Variants in MYO1A observed in about 807,000 individuals in gnomAD.
The protein encoded by MYO1A is unconventional myosin-Ia.
MYO1A carries 127 observed loss-of-function variants against 138.5 expected under a neutral mutation model. The observed-to-expected ratio is 0.92, with a 90% confidence interval of 0.79 to 1.06. MYO1A has a LOEUF of 1.06. Ranked by LOEUF, MYO1A falls within the 50% of genes least tolerant of loss-of-function variation. The pLI, the probability that MYO1A is intolerant of heterozygous loss-of-function variation, is 0.00. For synonymous variants in MYO1A, 477 were observed against 497.5 expected (o/e 0.96, Z 0.55); for missense variants, 1,211 against 1,288.8 (o/e 0.94, Z 0.92).
At chr12:57,040,327 G>A (rs1425462130) in intron 14 of MYO1A, among the ~76,000 whole-genome samples, 2 of 152,146 alleles carry the variant, frequency 1.3e-5, no homozygotes, top group Admixed American at 1.3e-4. Context: ...ACTGCCATTT[G>A]TATAGATTTT....
chr12:57,037,477 C>A, intron 19 of MYO1A, 71 bp downstream of exon 19: 3 of 1,336,624 alleles, frequency 2.2e-6, no homozygotes, highest in Admixed American at 1.7e-5. Flanking sequence ...GCTCCCTCCC[C>A]CTCCAGCCTT....
intron 14 of MYO1A, among the ~76,000 whole-genome samples, chr12:57,039,667 G>GTGAGAGTTTATCATCAAA (rs2030769357): frequency 6.6e-6 from 1 of 152,204 alleles, no homozygotes; most frequent in African/African-American, 2.4e-5. Context: ...ACCACAGCAC[G>GTGAGAGTTTATCATCAAA]TGAGAGTTTA....
In MYO1A at chr12:57,039,231, A is replaced by C; in HGVS notation, c.1313T>G (p.Ile438Ser). 6.2e-7 allele frequency: 1 copy of C among 1,614,126 alleles called. No homozygotes were observed. The highest frequency in any genetic ancestry group is 8.5e-7 in the Non-Finnish European group (1 of 1,179,976). ...ACTCACATGCTCAATGAGCTTACAA[A>C]TGATGCCATTATCAAAGTAGTCCAC... The part of the protein sequence containing the change: ...TKVDYFDNGI[I>S]CKLIEHNQRG... Residue 438 changes from isoleucine (I) to serine (S), a missense_variant, in exon 15 of 28, where the codon ATT becomes AGT. Ile to Ser is a moderately radical substitution (Grantham distance 142). Transcript: ENST00000300119.
intron 27 of MYO1A, 42 bp downstream of exon 27, chr12:57,029,090 A>G: frequency 3.7e-6 from 6 of 1,614,026 alleles, no homozygotes; most frequent in Non-Finnish European, 4.2e-6. Flanking sequence ...CAGCCTGGCC[A>G]TCTACCGTAA....
At chr12:57,029,073 T>C in intron 27 of MYO1A, 59 bp downstream of exon 27, 2 of 1,613,758 alleles carry the variant, frequency 1.2e-6, no homozygotes, top group Non-Finnish European at 1.7e-6. Flanking sequence ...CTGGTCACGA[T>C]GACCATCAGC....
intron 3 of MYO1A, 90 bp from the exon 4 acceptor site, chr12:57,047,811 C>G (rs2031178212): frequency 6.3e-7 from 1 of 1,576,762 alleles, no homozygotes; most frequent in Non-Finnish European, 8.6e-7. Context: ...TTCATCCACT[C>G]TCTCTACTTG....
intron 22 of MYO1A, 135 bp from the exon 23 acceptor site, chr12:57,031,309 T>A (rs2030275591): frequency 9.2e-7 from 1 of 1,089,704 alleles, no homozygotes; most frequent in Admixed American, 1.9e-5. Context: ...GCTGAAGAGA[T>A]GGAAGGGAGT....
intron 6 of MYO1A, 38 bp downstream of exon 6, chr12:57,047,023 C>G (rs2031130141): frequency 6.2e-7 from 1 of 1,613,610 alleles, no homozygotes; most frequent in Non-Finnish European, 8.5e-7. Flanking sequence ...CTTAAGCCCC[C>G]ACATCCTCTC....
chr12:57,038,691 T>C, intron 16 of MYO1A, 53 bp from the exon 17 acceptor site: 1 of 1,609,404 alleles, frequency 6.2e-7, no homozygotes, highest in African/African-American at 1.3e-5. Context: ...TCCCAGCACT[T>C]GGCCCTCCCA....
Position 57,030,214 on chromosome 12 carries a change from G to A in MYO1A, c.2587C>T (p.Gln863Ter). 6.2e-7 allele frequency: 1 copy of A among 1,613,554 alleles called. No individual in the cohort carries two copies. The highest frequency in any genetic ancestry group is 8.5e-7 in the Non-Finnish European group (1 of 1,179,498). ...CAGGGTCTGGGAGGCCCTCACCTCT[G>A]GGGATATGAAGCCTTCTTGCCCTTG... Reference protein sequence around the residue: ...LFKGKKASYPQSVPIPFCGDY... With the variant: ...LFKGKKASYP Residue 863 changes from glutamine (Q) to a stop codon, truncating the protein, a stop_gained, in exon 24 of 28, where the codon CAG (glutamine) becomes TAG (stop). Coordinates refer to ENST00000300119, the MANE Select transcript of MYO1A (RefSeq NM_005379.4). LOFTEE classifies it high-confidence loss of function.
rs756550655 is a variant in MYO1A at position 57,043,084 on chromosome 12, A to G, written c.1086T>C (p.Asn362=). The change falls in exon 12 of 28, where the codon AAT becomes AAC. Residue 362 remains asparagine, a synonymous_variant. Transcript: ENST00000300119. The part of the protein sequence containing the change: ...RLFDWIVNRI[N]ESIKVGIGEK... The stretch of plus-strand genomic sequence containing the variant: ...AGCGGCCACTTGCCTTGATGCTCTC[A>G]TTGATTCGATTCACTATCCAGTCAA... 1.7e-5 allele frequency: 28 copies of G among 1,614,046 alleles called. No individual in the cohort carries two copies. Among genetic ancestry groups the G allele is most frequent in the Non-Finnish European group, 2.3e-5 (27 of 1,180,030 alleles).
rs758303486 is a variant in MYO1A at position 57,038,569 on chromosome 12, T to C, written c.1603A>G (p.Met535Val). The C allele has an allele frequency of 4.3e-6, 7 of 1,614,170 alleles. No individual in the cohort carries two copies. Among genetic ancestry groups the C allele is most frequent in the Middle Eastern group, 1.6e-4 (1 of 6,062 alleles). ...DLLFRDLLQA[M>V]WKAQHPLLRS... ...AGGAGGGGGTGCTGGGCCTTCCACATGGCCTGCAACAGGTCTCGGAAGAGT... is the reference window on the plus strand; with the variant it reads ...AGGAGGGGGTGCTGGGCCTTCCACACGGCCTGCAACAGGTCTCGGAAGAGT... The change falls in exon 17 of 28, where the codon ATG becomes GTG. Residue 535 changes from methionine (M) to valine (V), a missense_variant. By Grantham distance (21) the Met-to-Val change is conservative. Coordinates refer to ENST00000300119, the MANE Select transcript of MYO1A (RefSeq NM_005379.4).
Position 57,043,376 on chromosome 12 carries a change from T to C in MYO1A, c.893-18A>G. ...CCGAACACCTGGGATAATGAGAAAG[T>C]ACAGCATGTCCTTAGAGGCAGCTTT... On this transcript the variant is annotated intron_variant, in intron 10 of 27. Coordinates refer to ENST00000300119, the MANE Select transcript of MYO1A (RefSeq NM_005379.4). 6.2e-7 allele frequency: 1 copy of C among 1,605,194 alleles called. No homozygotes were observed. Among genetic ancestry groups the C allele is most frequent in the Non-Finnish European group, 8.5e-7 (1 of 1,171,918 alleles).
intron 22 of MYO1A, among the ~76,000 whole-genome samples, chr12:57,034,930 T>TA (rs1375263586): frequency 6.6e-6 from 1 of 151,972 alleles, no homozygotes; most frequent in African/African-American, 2.4e-5. Context: ...CGCGCCATTG[T>TA]ACTCCAGCCT....
intron 14 of MYO1A, among the ~76,000 whole-genome samples, chr12:57,040,640 T>G (rs979399985): frequency 1.3e-5 from 2 of 152,202 alleles, no homozygotes; most frequent in African/African-American, 4.8e-5. Context: ...CAAGGGAACA[T>G]CCCTGGGAGG....
Position 57,036,981 on chromosome 12 carries a change from C to A in MYO1A, c.2166G>T (p.Lys722Asn). Residue 722 changes from lysine to asparagine, a missense_variant, in exon 20 of 28, where the codon AAG becomes AAT. Transcript: ENST00000300119. ...RCRTHYQLMRKSQILISSWFR... is the reference protein window; with the variant it reads ...RCRTHYQLMRNSQILISSWFR... ...ACCAAGAGGAGATGAGGATCTGACT[C>A]TTTCGCATCAGTTGGTAGTGGGTGC... 1 of 1,614,198 alleles carries A rather than the reference C, an allele frequency of 6.2e-7. No individual in the cohort carries two copies. The highest frequency in any genetic ancestry group is 8.5e-7 in the Non-Finnish European group (1 of 1,180,030).
At position 57,048,096 on chromosome 12, in the gene MYO1A, A is replaced by T. The variant is rs1264770023; in HGVS notation, c.123T>A (p.Ile41=). The change falls in exon 3 of 28, where the codon ATT becomes ATA. Residue 41 remains isoleucine, a synonymous_variant. Transcript: ENST00000300119. ...GATTCACTGAGATCACCACATTCCC[A>T]ATGTAGGTCTGGAGCCAGGAAGAAG... ...RYENKEIYTY[I]GNVVISVNPY... is the part of the protein sequence containing the mutation. 1 of 1,613,774 alleles carries T rather than the reference A, an allele frequency of 6.2e-7. No homozygotes were observed. Among genetic ancestry groups the T allele is most frequent in the African/African-American group, 1.3e-5 (1 of 74,936 alleles).
intron 22 of MYO1A, among the ~76,000 whole-genome samples, chr12:57,033,789 A>G (rs2030401577): frequency 6.6e-6 from 1 of 152,310 alleles, no homozygotes; most frequent in South Asian, 2.1e-4. Context: ...TTTTACTAAG[A>G]TATCAGGTTA....
In MYO1A at chr12:57,041,234, CCTGCTGCAG is replaced by C. The variant is rs760176263; in HGVS notation, c.1210_1218del (p.Leu404_Gln406del). 6.2e-7 allele frequency: 1 copy of C among 1,614,014 alleles called. No homozygotes were observed. Among genetic ancestry groups the C allele is most frequent in the East Asian group, 2.2e-5 (1 of 44,884 alleles). On this transcript the variant is annotated inframe_deletion, in exon 14 of 28. Coordinates refer to ENST00000300119, the MANE Select transcript of MYO1A (RefSeq NM_005379.4). ...TCTTTCAGGGTCATCTCTATGAACA[CCTGCTGCAG>C]CTTCTCATTGCAGTAGTTGATCACA...
Sources: allele counts gnomAD v4.1 joint callset (sites outside exome capture counted in the v4.1 genomes callset), GRCh38; gene constraint gnomAD v4.1.1; transcripts MANE v1.5; gene names NCBI Gene and HGNC (gene_info 2026-07-23, HGNC 2026-07-21).